The following HECW2 variants were observed in gnomAD, a reference collection of about 807,000 sequenced individuals.
HECW2 encodes HECT, C2 and WW domain containing E3 ubiquitin protein ligase 2.
In HECW2, 61 loss-of-function variants were observed where a neutral mutation model predicts 175.2. The ratio of observed to expected loss-of-function variants is 0.35; its 90% CI spans 0.28 to 0.43. The LOEUF (loss-of-function observed/expected upper bound fraction) is 0.43. Ranked by LOEUF, HECW2 falls within the 20% of genes least tolerant of loss-of-function variation. The pLI is 1.00. For missense variants in HECW2, 1,524 were observed against 2,000.5 expected (o/e 0.76, Z 4.54); for synonymous variants, 671 against 731.0 (o/e 0.92, Z 1.32).
chr2:196,407,958 C>T (rs1356010262), intron 2 of HECW2, among the ~76,000 whole-genome samples: 1 of 152,178 alleles, frequency 6.6e-6, no homozygotes, highest in African/African-American at 2.4e-5. Flanking sequence ...TATTCTATCT[C>T]AATACTAAAG....
At chr2:196,437,540 A>G (rs1338250350) in intron 1 of HECW2, among the ~76,000 whole-genome samples, 1 of 141,060 alleles carries the variant, frequency 7.1e-6, no homozygotes, top group Non-Finnish European at 1.5e-5. Flanking sequence ...TGAACCAGGG[A>G]GGTAAGGGTT....
At chr2:196,440,903 TA>T (rs1696020970) in intron 1 of HECW2, among the ~76,000 whole-genome samples, 1 of 152,034 alleles carries the variant, frequency 6.6e-6, no homozygotes, top group African/African-American at 2.4e-5. Flanking sequence ...TAGCACTCCT[TA>T]AAAAATTAAA....
At chr2:196,272,824 G>A (rs1353735998) in intron 16 of HECW2, among the ~76,000 whole-genome samples, 1 of 151,922 alleles carries the variant, frequency 6.6e-6, no homozygotes, top group Non-Finnish European at 1.5e-5. Flanking sequence ...CCACATAACT[G>A]TCTAAGCAAC....
chr2:196,588,896 T>G (rs1325350645), intron 1 of HECW2, among the ~76,000 whole-genome samples: 3 of 152,096 alleles, frequency 2.0e-5, no homozygotes, highest in Non-Finnish European at 4.4e-5. Context: ...TACATAGTCA[T>G]CCTACTTATA....
At chr2:196,333,326 T>A (rs1304423251) in intron 4 of HECW2, among the ~76,000 whole-genome samples, 1 of 152,088 alleles carries the variant, frequency 6.6e-6, no homozygotes, top group African/African-American at 2.4e-5. Context: ...TAATGAATAT[T>A]TGTTTAAATG....
chr2:196,287,705 T>G (rs1469644777), intron 14 of HECW2, among the ~76,000 whole-genome samples: 1 of 152,230 alleles, frequency 6.6e-6, no homozygotes, highest in Non-Finnish European at 1.5e-5. Context: ...TTTCATGTAA[T>G]TCATATGTGT....
intron 2 of HECW2, among the ~76,000 whole-genome samples, chr2:196,361,657 T>C (rs1457196714): frequency 6.6e-6 from 1 of 152,172 alleles, no homozygotes; most frequent in Non-Finnish European, 1.5e-5. Context: ...ATGTGCCACA[T>C]AGTTTGTTAA....
At chr2:196,275,558 C>G (rs1039144052) in intron 15 of HECW2, among the ~76,000 whole-genome samples, 2 of 152,078 alleles carry the variant, frequency 1.3e-5, no homozygotes, top group Non-Finnish European at 2.9e-5. Context: ...TCGAGACCAT[C>G]CTGGCCAACA....
chr2:196,324,961 C>A lies in HECW2; in HGVS notation c.741+19G>T. On this transcript the variant is annotated intron_variant, in intron 6 of 28. Coordinates refer to ENST00000644978, the MANE Select transcript of HECW2 (RefSeq NM_001348768.2). ...GACTTCCTCACCATCAAGTAGGAGA[C>A]CCCCGAGGATCATCTTACCTCTCGG... 1.3e-6 allele frequency: 2 copies of A among 1,539,478 alleles called. No homozygotes were observed. Among genetic ancestry groups the A allele is most frequent in the Non-Finnish European group, 1.7e-6 (2 of 1,146,856 alleles).
At chr2:196,448,671 A>G (rs1013357037) in intron 1 of HECW2, among the ~76,000 whole-genome samples, 47 of 152,146 alleles carry the variant, frequency 3.1e-4, no homozygotes, top group Admixed American at 1.5e-3. Context: ...TTATCTTTGC[A>G]GATATAGAAA....
rs1466694630 is a variant in HECW2 at position 196,319,726 on chromosome 2, A to G, written c.1164T>C (p.Thr388=). 1 of 1,614,092 alleles carries G rather than the reference A, an allele frequency of 6.2e-7. No individual in the cohort carries two copies. The highest frequency in any genetic ancestry group is 8.5e-7 in the Non-Finnish European group (1 of 1,180,040). The change falls in exon 9 of 29, where the codon ACT becomes ACC. Residue 388 remains threonine, a synonymous_variant. Coordinates refer to ENST00000644978, the MANE Select transcript of HECW2 (RefSeq NM_001348768.2). ...ADGTPKHSFR[T]SSTLEIDTEE... ...CTGTGTCTATTTCCAGAGTGGAGCT[A>G]GTCCTGAATGAATGCTTGGGGGTTC...
rs550038218 is a variant in HECW2 at position 196,523,383 on chromosome 2, A to C, written c.-36+70125T>G. ...GCTTAAGGAGATTTTGGGCTGAGACAATGGGGTTTTCTAGATATACAATCA... is the reference window on the plus strand; with the variant it reads ...GCTTAAGGAGATTTTGGGCTGAGACCATGGGGTTTTCTAGATATACAATCA... On this transcript the variant is annotated intron_variant, in intron 1 of 28. Coordinates refer to ENST00000644978, the MANE Select transcript of HECW2 (RefSeq NM_001348768.2). Among the ~76,000 whole-genome samples the C allele has an allele frequency of 2.0e-3, 300 of 151,934 alleles. 1 individual carries two copies. Among genetic ancestry groups the C allele is most frequent in the Middle Eastern group, 6.8e-3 (2 of 294 alleles).
rs573664575 is a variant in HECW2 at position 196,550,328 on chromosome 2, G to A, written c.-36+43180C>T. Among the ~76,000 whole-genome samples, 6 of 152,012 alleles carry A rather than the reference G, an allele frequency of 3.9e-5. No homozygotes were observed. In the East Asian group the frequency reaches 5.8e-4, roughly 15 times the overall value. The stretch of plus-strand genomic sequence containing the variant: ...CTGATTGTAATTTAAATACAAGTTC[G>A]AACAGTGATGTGACTCCTCTACGAA... On this transcript the variant is annotated intron_variant, in intron 1 of 28. Coordinates refer to ENST00000644978, the MANE Select transcript of HECW2 (RefSeq NM_001348768.2).
chr2:196,339,192 G>A (rs1692657517), intron 3 of HECW2, among the ~76,000 whole-genome samples: 1 of 152,144 alleles, frequency 6.6e-6, no homozygotes, highest in South Asian at 2.1e-4. Context: ...CTTAGGAATG[G>A]TGAAAGTTAC....
chr2:196,514,267 G>A (rs1360952253), intron 1 of HECW2, among the ~76,000 whole-genome samples: 3 of 152,202 alleles, frequency 2.0e-5, no homozygotes, highest in Non-Finnish European at 4.4e-5. Context: ...CAAGCACTTC[G>A]GAGGGCGCTG....
At chr2:196,503,764 A>G (rs777028667) in intron 1 of HECW2, among the ~76,000 whole-genome samples, 5 of 152,224 alleles carry the variant, frequency 3.3e-5, no homozygotes, top group Non-Finnish European at 7.3e-5. Flanking sequence ...AGTTCTGCCC[A>G]TCTCAGACGG....
At chr2:196,276,293 G>T (rs1019146389) in intron 15 of HECW2, among the ~76,000 whole-genome samples, 1 of 152,146 alleles carries the variant, frequency 6.6e-6, no homozygotes, top group African/African-American at 2.4e-5. Flanking sequence ...AGTCTGTATG[G>T]ACTTATCTCT....
chr2:196,302,036 A>G (rs1363427551), intron 13 of HECW2, among the ~76,000 whole-genome samples: 1 of 152,166 alleles, frequency 6.6e-6, no homozygotes, highest in Non-Finnish European at 1.5e-5. Flanking sequence ...TGAAGTCTTT[A>G]GTCCATCTTG....
intron 2 of HECW2, among the ~76,000 whole-genome samples, chr2:196,408,142 T>C (rs897905912): frequency 6.6e-6 from 1 of 152,224 alleles, no homozygotes; most frequent in Non-Finnish European, 1.5e-5. Flanking sequence ...TCCCCCTTCC[T>C]GATATGATCA....
Sources: allele counts gnomAD v4.1 joint callset (sites outside exome capture counted in the v4.1 genomes callset), GRCh38; gene constraint gnomAD v4.1.1; transcripts MANE v1.5; gene names NCBI Gene and HGNC (gene_info 2026-07-23, HGNC 2026-07-21).